TMEM117: variants seen among roughly 807,000 people sequenced by gnomAD.
TMEM117 encodes transmembrane protein 117.
Under a neutral mutation model 52.4 loss-of-function variants are expected in TMEM117, and 27 were observed. The ratio of observed to expected loss-of-function variants is 0.51; its 90% CI spans 0.38 to 0.71. The LOEUF (loss-of-function observed/expected upper bound fraction) is 0.71, where lower values mean the gene tolerates loss of function less well. TMEM117 is among the 30% of genes least tolerant of loss of function. The pLI, the probability that TMEM117 is intolerant of heterozygous loss-of-function variation, is 0.00. For missense variants in TMEM117, 556 were observed against 630.5 expected (o/e 0.88, Z 1.26); for synonymous variants, 215 against 206.3 (o/e 1.04, Z -0.36).
intron 3 of TMEM117, among the ~76,000 whole-genome samples, chr12:43,967,709 G>A (rs751366248): frequency 3.9e-5 from 6 of 152,186 alleles, no homozygotes; most frequent in Non-Finnish European, 8.8e-5. Context: ...TCCTCAGCCA[G>A]AGGATCCAGC....
chr12:44,299,673 T>C lies in TMEM117; in HGVS notation c.702T>C (p.Ser234=), dbSNP rs745419272. The change falls in exon 6 of 8, where the codon AGT becomes AGC. Residue 234 remains serine, a synonymous_variant. Coordinates refer to ENST00000266534, the MANE Select transcript of TMEM117 (RefSeq NM_032256.3). ...AGCTGAATCGGGGATTTTTGCCCAG[T>C]GATGAAGTTTCCAGAGCATTCCTTG... The part of the protein sequence containing the change: ...WDKLNRGFLP[S]DEVSRAFLAS... 1 of 1,614,198 alleles carries C rather than the reference T, an allele frequency of 6.2e-7. No homozygotes were observed. The highest frequency in any genetic ancestry group is 8.5e-7 in the Non-Finnish European group (1 of 1,180,024).
chr12:44,174,356 T>C (rs1384514990), intron 4 of TMEM117, among the ~76,000 whole-genome samples: 2 of 152,190 alleles, frequency 1.3e-5, no homozygotes, highest in African/African-American at 4.8e-5. Context: ...GTTTAGAAGT[T>C]ATGACAGAGA....
intron 3 of TMEM117, among the ~76,000 whole-genome samples, chr12:43,969,248 C>T (rs1341878484): frequency 1.7e-4 from 25 of 150,286 alleles, no homozygotes; most frequent in African/African-American, 5.2e-4. Context: ...TGGCCGGGCG[C>T]GGTGGCTCAT....
intron 3 of TMEM117, chr12:44,010,371 GC>G (rs1194964575): frequency 5.4e-6 from 2 of 373,122 alleles, no homozygotes; most frequent in East Asian, 1.7e-4. Context: ...CTGTTCCTGC[GC>G]CACATGGGGA....
chr12:44,392,529 T>A (rs1032395733), downstream of TMEM117, among the ~76,000 whole-genome samples: 20 of 152,086 alleles, frequency 1.3e-4, no homozygotes, highest in African/African-American at 4.3e-4. Flanking sequence ...GGCTTTTTTT[T>A]ATTATTATTA....
the TMEM117 span, among the ~76,000 whole-genome samples, chr12:43,808,182 ACTTGGTT>A: frequency 6.6e-6 from 1 of 152,316 alleles, no homozygotes. Context: ...GATCTTGACA[ACTTGGTT>A]GTCACCTCTG....
At chr12:44,091,609 CTGAT>C (rs371620820) in intron 3 of TMEM117, among the ~76,000 whole-genome samples, 30 of 152,254 alleles carry the variant, frequency 2.0e-4, no homozygotes, top group African/African-American at 6.5e-4. Flanking sequence ...ACAGTGTCTA[CTGAT>C]TGATATTAAG....
chr12:43,933,722 C>T (rs1400748848), intron 2 of TMEM117, among the ~76,000 whole-genome samples: 2 of 151,314 alleles, frequency 1.3e-5, no homozygotes, highest in African/African-American at 2.4e-5. Flanking sequence ...GCCACCACAC[C>T]CAGCTAATTT....
rs1948207162 is a variant in TMEM117 at position 44,119,993 on chromosome 12, T to G, written c.411-23532T>G. ...GCAAAGAAAAATCCAGATAGGCTTTTAAAAGAAGTCACTTAAAATCAGTAG... is the reference window on the plus strand; with the variant it reads ...GCAAAGAAAAATCCAGATAGGCTTTGAAAAGAAGTCACTTAAAATCAGTAG... On this transcript the variant is annotated intron_variant, in intron 3 of 7. Transcript: ENST00000266534. Among the ~76,000 whole-genome samples the G allele has an allele frequency of 2.0e-5, 3 of 152,018 alleles. No homozygotes were observed. In the South Asian group the frequency reaches 6.2e-4, roughly 32 times the overall value.
chr12:44,028,715 C>T (rs1242122768), intron 3 of TMEM117, among the ~76,000 whole-genome samples: 1 of 152,218 alleles, frequency 6.6e-6, no homozygotes, highest in Non-Finnish European at 1.5e-5. Context: ...TAAAAATGGG[C>T]AACCAGCAGC....
Position 44,138,872 on chromosome 12 carries a change from C to G in TMEM117, c.411-4653C>G, listed in dbSNP as rs530773387. Among the ~76,000 whole-genome samples the G allele has an allele frequency of 2.0e-5, 3 of 152,238 alleles. No homozygotes were observed. The South Asian group carries it at 6.2e-4, about 32-fold the overall frequency. On this transcript the variant is annotated intron_variant, in intron 3 of 7. Coordinates refer to ENST00000266534, the MANE Select transcript of TMEM117 (RefSeq NM_032256.3). ...CGAGTAAGTGACTGGAGTCATTAAT[C>G]TAGTTAATCATTTCACTACAAACAC...
At chr12:44,156,170 G>A (rs1213716087) in intron 4 of TMEM117, among the ~76,000 whole-genome samples, 2 of 152,048 alleles carry the variant, frequency 1.3e-5, no homozygotes, top group East Asian at 3.9e-4. Flanking sequence ...TAGTAGTCAG[G>A]TTAGCCCTTA....
chr12:44,362,517 T>C (rs536670031), intron 6 of TMEM117, among the ~76,000 whole-genome samples: 2 of 152,030 alleles, frequency 1.3e-5, no homozygotes, highest in Non-Finnish European at 2.9e-5. Flanking sequence ...ACACAAACAG[T>C]TCTTGAATGT....
intron 2 of TMEM117, among the ~76,000 whole-genome samples, chr12:43,870,911 A>G (rs1943692800): frequency 6.6e-6 from 1 of 151,810 alleles, no homozygotes; most frequent in Non-Finnish European, 1.5e-5. Flanking sequence ...CAGCCTCCCC[A>G]GTAGCTGAGA....
At chr12:43,899,428 A>G (rs1475915970) in intron 2 of TMEM117, among the ~76,000 whole-genome samples, 1 of 152,250 alleles carries the variant, frequency 6.6e-6, no homozygotes, top group Non-Finnish European at 1.5e-5. Flanking sequence ...TGTATGTACA[A>G]TGTAAAACAT....
At chr12:44,092,522 A>G (rs116412621) in intron 3 of TMEM117, among the ~76,000 whole-genome samples, 1,747 of 152,224 alleles carry the variant, frequency 0.011, 22 homozygotes, top group South Asian at 0.051. Flanking sequence ...TACTTTTATT[A>G]CCATCTAGGG....
At chr12:43,845,064 G>A (rs919682285) in intron 2 of TMEM117, 136 bp downstream of exon 2, 26 of 956,160 alleles carry the variant, frequency 2.7e-5, no homozygotes, top group South Asian at 1.8e-4. Flanking sequence ...GTTATGCATG[G>A]TTGTAACTGG....
intron 4 of TMEM117, among the ~76,000 whole-genome samples, chr12:44,201,763 G>A (rs1181847711): frequency 1.3e-5 from 2 of 152,072 alleles, no homozygotes; most frequent in Non-Finnish European, 2.9e-5. Context: ...AAGCAATTTG[G>A]TTGTAGGCTA....
intron 3 of TMEM117, among the ~76,000 whole-genome samples, chr12:44,105,746 C>A (rs1184201126): frequency 6.6e-6 from 1 of 151,930 alleles, no homozygotes; most frequent in Non-Finnish European, 1.5e-5. Context: ...TATTTCCCTT[C>A]CCCAGGTCAG....
Sources: gnomAD v4.1 joint callset for allele counts (sites outside exome capture counted in the v4.1 genomes callset) on GRCh38, gnomAD v4.1.1 for gene constraint, MANE v1.5 for transcripts, NCBI Gene and HGNC (gene_info 2026-07-23, HGNC 2026-07-21) for gene names.